OTOGL: variants seen among roughly 807,000 people sequenced by gnomAD.
The protein encoded by OTOGL is otogelin like.
A neutral mutation model predicts 318.5 loss-of-function variants in OTOGL; 285 were observed. That is an observed-to-expected ratio of 0.89 (90% CI 0.81 to 0.99). The LOEUF (loss-of-function observed/expected upper bound fraction) is 0.99. Ranked by LOEUF, OTOGL falls within the 50% of genes least tolerant of loss-of-function variation. The pLI is 0.00. For synonymous variants in OTOGL, 987 were observed against 936.5 expected (o/e 1.05, Z -0.99); for missense variants, 2,899 against 2,845.6 (o/e 1.02, Z -0.43).
At chr12:80,246,223 G>C (rs1352967733) in intron 11 of OTOGL, among the ~76,000 whole-genome samples, 1 of 149,400 alleles carries the variant, frequency 6.7e-6, no homozygotes, top group Non-Finnish European at 1.5e-5. Context: ...GTGAGAGAGA[G>C]CATCCCTGTC....
chr12:80,219,959 A>C, intron 6 of OTOGL, 47 bp downstream of exon 6: 1 of 1,341,668 alleles, frequency 7.5e-7, no homozygotes, highest in Non-Finnish European at 1.0e-6. Context: ...TACCAAGGAG[A>C]AAATTAAGGC....
At position 80,278,181 on chromosome 12, in the gene OTOGL, A is replaced by G; in HGVS notation, c.2695A>G (p.Arg899Gly). Reference protein sequence around the residue: ...CVCAPGMAEHRGKCYVPESCP... With the variant: ...CVCAPGMAEHGGKCYVPESCP... Reference sequence around the variant, plus strand: ...TTCATTTGGAAGAATGGCAGAGCACAGAGGAAAGTGTTATGTTCCTGAAAG... The same window carrying G: ...TTCATTTGGAAGAATGGCAGAGCACGGAGGAAAGTGTTATGTTCCTGAAAG... Residue 899 changes from arginine (R) to glycine (G), a missense_variant, in exon 25 of 59, where the codon AGA becomes GGA. Around this residue, in one of 3 missense-constraint regions of OTOGL, gnomAD observed 2,607 missense variants for 2,524.9 expected, o/e 1.03. Transcript: ENST00000547103. 1 of 1,546,110 alleles carries G rather than the reference A, an allele frequency of 6.5e-7. No individual in the cohort carries two copies. The highest frequency in any genetic ancestry group is 8.7e-7 in the Non-Finnish European group (1 of 1,143,614).
chr12:80,317,117 T>C (rs1027104598), intron 32 of OTOGL, among the ~76,000 whole-genome samples: 4 of 152,190 alleles, frequency 2.6e-5, no homozygotes, highest in African/African-American at 9.6e-5. Flanking sequence ...AAAGCTTGCA[T>C]TTGAAATGCT....
At chr12:80,348,756 C>T (rs1360266016) in intron 44 of OTOGL, among the ~76,000 whole-genome samples, 1 of 152,180 alleles carries the variant, frequency 6.6e-6, no homozygotes, top group Non-Finnish European at 1.5e-5. Context: ...AAGCTCCAAC[C>T]ATTGTTGCCT....
At chr12:80,340,417 A>G (rs1220618040) in intron 43 of OTOGL, among the ~76,000 whole-genome samples, 1 of 152,176 alleles carries the variant, frequency 6.6e-6, no homozygotes, top group Non-Finnish European at 1.5e-5. Context: ...TACTAAATCA[A>G]TAGTTATTAT....
At chr12:80,231,311 G>C (rs1879337085) in intron 8 of OTOGL, among the ~76,000 whole-genome samples, 1 of 152,064 alleles carries the variant, frequency 6.6e-6, no homozygotes, top group African/African-American at 2.4e-5. Context: ...TAGTTAGCTA[G>C]AGTCTTTTTT....
chr12:80,101,764 T>C (rs1481244713), intron 1 of OTOGL, among the ~76,000 whole-genome samples: 1 of 152,172 alleles, frequency 6.6e-6, no homozygotes. Flanking sequence ...CAGAACTAAT[T>C]ATAAGAGAAA....
chr12:80,358,580 C>A, intron 50 of OTOGL, 91 bp from the exon 51 acceptor site: 2 of 1,028,214 alleles, frequency 1.9e-6, no homozygotes, highest in Non-Finnish European at 2.9e-6. Flanking sequence ...TGAATCCATG[C>A]ATTATTGTAA....
intron 1 of OTOGL, among the ~76,000 whole-genome samples, chr12:80,128,352 G>T (rs7313147): frequency 0.019 from 2,862 of 152,336 alleles, 79 homozygotes; most frequent in African/African-American, 0.063. Context: ...CTGCAGAACA[G>T]TGGATATTGG....
intron 48 of OTOGL, 140 bp downstream of exon 48, chr12:80,356,660 G>A: frequency 1.4e-6 from 1 of 694,302 alleles, no homozygotes. Flanking sequence ...TTTTAAACCT[G>A]GTATATATCT....
At chr12:80,296,788 G>T in intron 26 of OTOGL, 39 bp from the exon 27 acceptor site, 1 of 1,312,584 alleles carries the variant, frequency 7.6e-7, no homozygotes, top group South Asian at 1.8e-5. Flanking sequence ...AATATAGGTT[G>T]TATATATTTG....
intron 1 of OTOGL, among the ~76,000 whole-genome samples, chr12:80,111,023 C>T (rs570613095): frequency 1.1e-4 from 17 of 151,854 alleles, no homozygotes; most frequent in Admixed American, 5.9e-4. Context: ...TTTTTTCATA[C>T]GTTTGTTGGC....
At chr12:80,138,565 A>G (rs1182889866) in intron 1 of OTOGL, among the ~76,000 whole-genome samples, 3 of 152,146 alleles carry the variant, frequency 2.0e-5, no homozygotes, top group Non-Finnish European at 4.4e-5. Context: ...AAGACTAGTT[A>G]TGAGAGCTTT....
intron 1 of OTOGL, among the ~76,000 whole-genome samples, chr12:80,148,812 T>C (rs1242757225): frequency 6.6e-6 from 1 of 152,224 alleles, no homozygotes; most frequent in Non-Finnish European, 1.5e-5. Context: ...TTTCATCTTC[T>C]GTTGCTGATA....
chr12:80,257,571 G>C (rs1264802739), intron 17 of OTOGL, among the ~76,000 whole-genome samples: 1 of 152,010 alleles, frequency 6.6e-6, no homozygotes, highest in Non-Finnish European at 1.5e-5. Flanking sequence ...CAAACTGAAA[G>C]TATGTATTGA....
chr12:80,116,434 G>T (rs1284840620), intron 1 of OTOGL, among the ~76,000 whole-genome samples: 2 of 152,070 alleles, frequency 1.3e-5, no homozygotes, highest in Non-Finnish European at 2.9e-5. Flanking sequence ...TGGAAATGCA[G>T]AAATCACCTG....
At chr12:80,117,223 C>T (rs1870220029) in intron 1 of OTOGL, among the ~76,000 whole-genome samples, 1 of 151,050 alleles carries the variant, frequency 6.6e-6, no homozygotes, top group Admixed American at 6.6e-5. Flanking sequence ...TAACTACCAT[C>T]TATAAAATAG....
At chr12:80,193,649 TAA>T (rs1421337333) in intron 1 of OTOGL, among the ~76,000 whole-genome samples, 1 of 152,222 alleles carries the variant, frequency 6.6e-6, no homozygotes, top group Non-Finnish European at 1.5e-5. Flanking sequence ...GCATTTGATT[TAA>T]AAGTTTTCCA....
At chr12:80,263,788 A>AT (rs1209429003) in intron 19 of OTOGL, among the ~76,000 whole-genome samples, 2 of 151,854 alleles carry the variant, frequency 1.3e-5, no homozygotes, top group African/African-American at 4.8e-5. Context: ...ATTCTAAAGG[A>AT]TTTTTTTTCA....
Sources: gnomAD v4.1 joint callset for allele counts (sites outside exome capture counted in the v4.1 genomes callset) on GRCh38, gnomAD v4.1.1 for gene constraint, gnomAD v4.1.1 regional missense constraint, MANE v1.5 for transcripts, NCBI Gene and HGNC (gene_info 2026-07-23, HGNC 2026-07-21) for gene names.